The following LARP1B variants were observed in gnomAD, a reference collection of about 807,000 sequenced individuals.
LARP1B encodes La ribonucleoprotein 1B.
LARP1B carries 76 observed loss-of-function variants against 114.2 expected under a neutral mutation model. The observed-to-expected ratio is 0.67, with a 90% confidence interval of 0.55 to 0.81. LARP1B has a LOEUF of 0.81. Among genes scored for constraint, LARP1B ranks in the 30% least tolerant of loss-of-function variants. LARP1B has a pLI of 0.00. For missense variants in LARP1B, 1,014 were observed against 1,075.8 expected (o/e 0.94, Z 0.80); for synonymous variants, 345 against 348.0 (o/e 0.99, Z 0.10).
In LARP1B at chr4:128,144,748, G is replaced by C. The variant is rs1052763127; in HGVS notation, c.1525-17446G>C. Among the ~76,000 whole-genome samples the C allele has an allele frequency of 2.6e-5, 4 of 152,058 alleles. 1 individual carries two copies. The South Asian group carries it at 8.3e-4, about 32-fold the overall frequency. On this transcript the variant is annotated intron_variant, in intron 11 of 19. Coordinates refer to ENST00000326639, the MANE Select transcript of LARP1B (RefSeq NM_018078.4). ...TCATTCTATTTTTAGGCCCGTCCAA[G>C]TAAAAGTTTTTCAGTTCTGGAATTT...
chr4:128,083,752 C>T (rs1349404633), intron 5 of LARP1B, among the ~76,000 whole-genome samples: 3 of 146,614 alleles, frequency 2.0e-5, no homozygotes, highest in Non-Finnish European at 4.5e-5. Flanking sequence ...GGCGGCTGGG[C>T]AGAGGCGCCC....
intron 8 of LARP1B, among the ~76,000 whole-genome samples, chr4:128,102,777 T>C (rs561230576): frequency 2.3e-4 from 35 of 152,352 alleles, no homozygotes; most frequent in African/African-American, 8.4e-4. Context: ...CATGCTTCAA[T>C]TTTCTTGTTA....
At chr4:128,111,623 A>C (rs944658099) in intron 9 of LARP1B, among the ~76,000 whole-genome samples, 3 of 152,058 alleles carry the variant, frequency 2.0e-5, no homozygotes, top group Non-Finnish European at 2.9e-5. Flanking sequence ...GGATTACTTG[A>C]GCGCAGGAGT....
chr4:128,067,993 G>C (rs1402201996), intron 1 of LARP1B, among the ~76,000 whole-genome samples: 2 of 152,088 alleles, frequency 1.3e-5, no homozygotes, highest in Non-Finnish European at 2.9e-5. Context: ...CCATTCTCCT[G>C]CCTCAGCCTC....
At chr4:128,081,130 G>A (rs1356389907) in intron 4 of LARP1B, among the ~76,000 whole-genome samples, 1 of 149,370 alleles carries the variant, frequency 6.7e-6, no homozygotes, top group Non-Finnish European at 1.5e-5. Flanking sequence ...CCAGGCTAGA[G>A]TGCAGTGGCA....
intron 7 of LARP1B, among the ~76,000 whole-genome samples, chr4:128,093,668 G>A (rs1358046221): frequency 3.3e-5 from 5 of 151,654 alleles, no homozygotes; most frequent in Non-Finnish European, 7.4e-5. Context: ...TACAGTATGA[G>A]GCCTAAACGT....
At chr4:128,114,040 A>G (rs1253212491) in intron 9 of LARP1B, among the ~76,000 whole-genome samples, 1 of 152,182 alleles carries the variant, frequency 6.6e-6, no homozygotes, top group Non-Finnish European at 1.5e-5. Context: ...GTATGAGCCA[A>G]AGTAGTAAAT....
chr4:128,109,424 A>G (rs1037488069), intron 9 of LARP1B, among the ~76,000 whole-genome samples: 28 of 151,912 alleles, frequency 1.8e-4, no homozygotes, highest in African/African-American at 6.8e-4. Flanking sequence ...TAAAATTTCT[A>G]TTTTTTTTCC....
At chr4:128,130,922 C>T (rs1254388485) in intron 11 of LARP1B, among the ~76,000 whole-genome samples, 1 of 152,096 alleles carries the variant, frequency 6.6e-6, no homozygotes. Flanking sequence ...GTGAAAAAAG[C>T]CTATTTGAAA....
Position 128,107,250 on chromosome 4 carries a change from G to C in LARP1B, c.925G>C (p.Asp309His), listed in dbSNP as rs1039023290. The C allele has an allele frequency of 5.0e-6, 8 of 1,614,040 alleles. No individual in the cohort carries two copies. Among genetic ancestry groups the C allele is most frequent in the Admixed American group, 3.3e-5 (2 of 59,996 alleles). ...TCCTCCACGCAGTGTGCCACCAACAGACTTCTCTCAACTGATTGATTGTCC... is the reference window on the plus strand; with the variant it reads ...TCCTCCACGCAGTGTGCCACCAACACACTTCTCTCAACTGATTGATTGTCC... ...GPPPRSVPPT[D>H]FSQLIDCPEF... The change falls in exon 9 of 20, where the codon GAC (aspartate) becomes CAC (histidine). Residue 309 changes from aspartate (D) to histidine (H), a missense_variant. Coordinates refer to ENST00000326639, the MANE Select transcript of LARP1B (RefSeq NM_018078.4).
intron 7 of LARP1B, among the ~76,000 whole-genome samples, 158 bp from the exon 8 acceptor site, chr4:128,098,027 AT>A (rs1778709154): frequency 1.3e-5 from 2 of 152,134 alleles, no homozygotes. Context: ...TTGCTATCTT[AT>A]ATGTTTACCC....
intron 5 of LARP1B, among the ~76,000 whole-genome samples, chr4:128,090,318 C>A (rs1471914932): frequency 6.6e-6 from 1 of 152,166 alleles, no homozygotes; most frequent in Non-Finnish European, 1.5e-5. Flanking sequence ...GTTGATCCGC[C>A]CCCCTTGGCC....
intron 12 of LARP1B, among the ~76,000 whole-genome samples, chr4:128,167,065 C>T (rs1451490255): frequency 6.7e-6 from 1 of 148,412 alleles, no homozygotes; most frequent in Non-Finnish European, 1.5e-5. Flanking sequence ...CACACATATA[C>T]ACACACACAC....
chr4:128,150,138 A>G (rs1045044646), intron 11 of LARP1B, among the ~76,000 whole-genome samples: 1 of 152,074 alleles, frequency 6.6e-6, no homozygotes, highest in Non-Finnish European at 1.5e-5. Flanking sequence ...GCGACAGACC[A>G]AGACTCCATC....
chr4:128,104,995 C>T (rs1344433962), intron 8 of LARP1B, among the ~76,000 whole-genome samples: 1 of 152,088 alleles, frequency 6.6e-6, no homozygotes, highest in Non-Finnish European at 1.5e-5. Context: ...CACATTCTAA[C>T]CAACACTACT....
intron 11 of LARP1B, among the ~76,000 whole-genome samples, chr4:128,153,937 T>C (rs1056434223): frequency 2.6e-5 from 4 of 152,230 alleles, no homozygotes; most frequent in Admixed American, 2.6e-4. Flanking sequence ...TCGTAACTTC[T>C]AACATGCAGT....
In LARP1B at chr4:128,170,878, T is replaced by C. The variant is rs867826290; in HGVS notation, c.1649-5994T>C. Among the ~76,000 whole-genome samples the C allele has an allele frequency of 6.4e-3, 963 of 149,750 alleles. 9 individuals carry two copies. Among genetic ancestry groups the C allele is most frequent in the African/African-American group, 0.022 (902 of 41,092 alleles). On this transcript the variant is annotated intron_variant, in intron 12 of 19. Coordinates refer to ENST00000326639, the MANE Select transcript of LARP1B (RefSeq NM_018078.4). ...TTCATTTTCTTTTTCTTTTCTTTTT[T>C]TTTTTTTTTTTGGCTTCTATTGCCC...
intron 5 of LARP1B, among the ~76,000 whole-genome samples, chr4:128,086,927 A>G (rs1773821726): frequency 6.6e-6 from 1 of 152,064 alleles, no homozygotes; most frequent in Non-Finnish European, 1.5e-5. Flanking sequence ...ACCCTGGCCC[A>G]TTAGTCTTTA....
intron 11 of LARP1B, among the ~76,000 whole-genome samples, chr4:128,135,697 T>C (rs898216160): frequency 2.6e-5 from 4 of 152,204 alleles, no homozygotes; most frequent in Non-Finnish European, 4.4e-5. Flanking sequence ...TTTCCACTTA[T>C]AGGAGATAGC....
Sources: allele counts gnomAD v4.1 joint callset (sites outside exome capture counted in the v4.1 genomes callset), GRCh38; gene constraint gnomAD v4.1.1; transcripts MANE v1.5; gene names NCBI Gene and HGNC (gene_info 2026-07-23, HGNC 2026-07-21).